The following ITGB4 variants were observed in gnomAD, a reference collection of about 807,000 sequenced individuals.
ITGB4 encodes integrin beta-4.
A neutral mutation model predicts 207.6 loss-of-function variants in ITGB4; 159 were observed. The observed-to-expected ratio is 0.77, with a 90% CI of 0.67 to 0.87. ITGB4 has a LOEUF of 0.87. ITGB4 is among the 40% of genes least tolerant of loss of function. ITGB4 has a pLI of 0.00. For synonymous variants in ITGB4, 1,020 were observed against 1,062.7 expected (o/e 0.96, Z 0.78); for missense variants, 2,278 against 2,546.8 (o/e 0.89, Z 2.27).
intron 2 of ITGB4, among the ~76,000 whole-genome samples, chr17:75,726,713 C>T (rs2060723556): frequency 6.6e-6 from 1 of 152,092 alleles, no homozygotes; most frequent in East Asian, 1.9e-4. Flanking sequence ...GCCTGGGCAA[C>T]AGAGCAAGAC....
intron 2 of ITGB4, among the ~76,000 whole-genome samples, chr17:75,725,909 G>A (rs528226915): frequency 2.0e-5 from 3 of 152,370 alleles, no homozygotes; most frequent in African/African-American, 7.2e-5. Context: ...CTGTGATGGA[G>A]GAGGTACCTG....
At chr17:75,736,474 G>T in intron 15 of ITGB4, 88 bp downstream of exon 15, 11 of 1,608,612 alleles carry the variant, frequency 6.8e-6, no homozygotes, top group Non-Finnish European at 9.3e-6. Flanking sequence ...GATGCCACAG[G>T]AGCTGGCCAA....
chr17:75,753,925 C>A lies in ITGB4; in HGVS notation c.4269C>A (p.Gly1423=), dbSNP rs1027065550. 3.9e-6 allele frequency: 5 copies of A among 1,284,742 alleles called. 1 individual carries two copies. Among genetic ancestry groups the A allele is most frequent in the African/African-American group, 1.6e-5 (1 of 64,348 alleles). The allele number at this position is 1,284,742 out of a possible 1,614,324, so 79.6% of individuals were successfully genotyped here. The change falls in exon 33 of 40, where the codon GGC becomes GGA. Residue 1423 remains glycine, a synonymous_variant. Coordinates refer to ENST00000200181, the MANE Select transcript of ITGB4 (RefSeq NM_000213.5). ...PHGPPDDGGA[G]GKGGSLPRSA... is the part of the protein sequence containing the mutation. ...GGCCCCCGGACGACGGCGGCGCGGGCGGGAAGGGCGGCAGCCTGCCCCGCA... is the reference window on the plus strand; with the variant it reads ...GGCCCCCGGACGACGGCGGCGCGGGAGGGAAGGGCGGCAGCCTGCCCCGCA...
chr17:75,756,956 A>G lies in ITGB4; in HGVS notation c.5067A>G (p.Ala1689=), dbSNP rs758381516. 1.9e-6 allele frequency: 3 copies of G among 1,612,654 alleles called. No homozygotes were observed. The highest frequency in any genetic ancestry group is 2.5e-6 in the Non-Finnish European group (3 of 1,179,928). ...EMAQGGGPAT[A]FRVDGDSPES... ...TTCCCTGCTCAGGGCCAGCCACCGC[A>G]TTCCGGGTGGATGGAGACAGCCCCG... The change falls in exon 38 of 40, where the codon GCA becomes GCG. Residue 1689 remains alanine (A), a synonymous_variant. Transcript: ENST00000200181.
In ITGB4 at chr17:75,752,570, T is replaced by A. The variant is rs886053414; in HGVS notation, c.4101T>A (p.Asp1367Glu). ...GCAGCCAGAGGCCCAGCGTCTCCGA[T>A]GACACTGGTGAGTGGAGACCTGGGA... The part of the protein sequence containing the change: ...PSGSQRPSVS[D>E]DTGCGWKFEP... The change falls in exon 32 of 40, where the codon GAT becomes GAA. Residue 1367 changes from aspartate to glutamate, a missense_variant. Asp to Glu is a conservative substitution (Grantham distance 45, BLOSUM62 2). Coordinates refer to ENST00000200181, the MANE Select transcript of ITGB4 (RefSeq NM_000213.5). 1 of 1,613,536 alleles carries A rather than the reference T, an allele frequency of 6.2e-7. No individual in the cohort carries two copies.
chr17:75,730,620 C>G, intron 8 of ITGB4, 116 bp downstream of exon 8: 1 of 1,139,218 alleles, frequency 8.8e-7, no homozygotes, highest in African/African-American at 1.6e-5. Context: ...CTTCCTCCCT[C>G]CCTCTTTTCC....
At position 75,750,973 on chromosome 17, in the gene ITGB4, G is replaced by C; in HGVS notation, c.3656-1G>C. 1 of 1,613,664 alleles carries C rather than the reference G, an allele frequency of 6.2e-7. No individual in the cohort carries two copies. Among genetic ancestry groups the C allele is most frequent in the Non-Finnish European group, 8.5e-7 (1 of 1,180,026 alleles). The stretch of plus-strand genomic sequence containing the variant: ...CTCTTCCTGTATTCCCCGCTCCCTA[G>C]TGCCCAGCGAGCCAGGGCGTCTGGC... On this transcript the variant is annotated splice_acceptor_variant, in intron 29 of 39. Coordinates refer to ENST00000200181, the MANE Select transcript of ITGB4 (RefSeq NM_000213.5). LOFTEE classifies it high-confidence loss of function. The surrounding 1 kb of genome is among the most constrained non-coding windows in gnomAD (Gnocchi z 5.5).
In ITGB4 at chr17:75,739,584, C is replaced by T. The variant is rs2061058359; in HGVS notation, c.2221-88C>T. 8.2e-6 allele frequency: 12 copies of T among 1,463,140 alleles called. No individual in the cohort carries two copies. Among genetic ancestry groups the T allele is most frequent in the Admixed American group, 3.3e-5 (2 of 59,714 alleles). The allele number at this position is 1,463,140 out of a possible 1,614,324, so 90.6% of individuals were successfully genotyped here. Reference sequence around the variant, plus strand: ...GGGGAGGCACTGTCACCCCTCTTGACCATTGGCATGGGGCGGGGTGGCTGG... The same window carrying T: ...GGGGAGGCACTGTCACCCCTCTTGATCATTGGCATGGGGCGGGGTGGCTGG... On this transcript the variant is annotated intron_variant, in intron 18 of 39. Transcript: ENST00000200181. The surrounding 1 kb of genome is among the most constrained non-coding windows in gnomAD (Gnocchi z 5.4).
chr17:75,728,986 CAA>C (rs933959785), intron 6 of ITGB4, among the ~76,000 whole-genome samples: 9 of 45,194 alleles, frequency 2.0e-4, no homozygotes, highest in Non-Finnish European at 1.8e-4. Context: ...TCTGTCTCAA[CAA>C]AAAAAAAAAA....
Position 75,731,762 on chromosome 17 carries a change from C to T in ITGB4, c.1216-50C>T. On this transcript the variant is annotated intron_variant, in intron 10 of 39. Transcript: ENST00000200181. This position sits in a 1 kb window ranked among gnomAD's most constrained non-coding sequence, Gnocchi z 6.8. ...GAGGGCCTTCAGGCATCGATGGCCC[C>T]CTGGTCCTTGGGGCTGGGCCTGCCT... 6.5e-7 allele frequency: 1 copy of T among 1,530,288 alleles called. No individual in the cohort carries two copies. Among genetic ancestry groups the T allele is most frequent in the Non-Finnish European group, 8.8e-7 (1 of 1,134,664 alleles). The allele number at this position is 1,530,288 out of a possible 1,614,324, so 94.8% of individuals were successfully genotyped here.
In ITGB4 at chr17:75,729,003, A is replaced by T. The variant is rs887232050; in HGVS notation, c.567-262A>T. Among the ~76,000 whole-genome samples, 5 of 150,954 alleles carry T rather than the reference A, an allele frequency of 3.3e-5. No individual in the cohort carries two copies. The highest frequency in any genetic ancestry group is 1.9e-4 in the East Asian group (1 of 5,168). On this transcript the variant is annotated intron_variant, in intron 6 of 39. Coordinates refer to ENST00000200181, the MANE Select transcript of ITGB4 (RefSeq NM_000213.5). This position sits in a 1 kb window ranked among gnomAD's most constrained non-coding sequence, Gnocchi z 4.4. The stretch of plus-strand genomic sequence containing the variant: ...TGTCTCAACAAAAAAAAAAAAAAAA[A>T]AAAAATTAGCCAGGTGTGGTGGTGG...
chr17:75,748,756 C>T (rs1415579097), intron 26 of ITGB4, 85 bp from the exon 27 acceptor site: 1 of 981,878 alleles, frequency 1.0e-6, no homozygotes, highest in Non-Finnish European at 1.6e-6. Flanking sequence ...TCTGCAGTGT[C>T]CATGAGGTTG....
In ITGB4 at chr17:75,729,128, C is replaced by G. The variant is rs2060793814; in HGVS notation, c.567-137C>G. On this transcript the variant is annotated intron_variant, in intron 6 of 39. Transcript: ENST00000200181. The surrounding 1 kb of genome is among the most constrained non-coding windows in gnomAD (Gnocchi z 4.4). ...AGCCAAGATCGTGCATACCGCACAC[C>G]AGCCTGGGTGATAAAGCGAGACTTG... is the stretch of plus-strand genomic sequence containing the variant. The G allele has an allele frequency of 2.6e-6, 2 of 772,638 alleles. No homozygotes were observed. Among genetic ancestry groups the G allele is most frequent in the Admixed American group, 5.6e-5 (2 of 35,598 alleles). The allele number at this position is 772,638 out of a possible 1,614,324, so 47.9% of individuals were successfully genotyped here. A position where few individuals can be genotyped will look rare whatever the true frequency, so the allele number is the denominator to read the frequency against.
At chr17:75,749,892 C>T (rs1369490918) in intron 27 of ITGB4, among the ~76,000 whole-genome samples, 2 of 152,222 alleles carry the variant, frequency 1.3e-5, no homozygotes, top group African/African-American at 4.8e-5. Context: ...CTCCCTCCCG[C>T]TTCTGTTCCT....
chr17:75,746,253 T>TC (rs955330998), intron 26 of ITGB4: 66 of 152,082 alleles, frequency 4.3e-4, no homozygotes, highest in African/African-American at 1.5e-3. Context: ...TTGTATTTTT[T>TC]TTTCTTTGAG....
In ITGB4 at chr17:75,741,025, G is replaced by A. The variant is rs2061097732; in HGVS notation, c.2633+20G>A. 1.2e-6 allele frequency: 2 copies of A among 1,611,108 alleles called. No homozygotes were observed. The highest frequency in any genetic ancestry group is 1.1e-5 in the South Asian group (1 of 91,002). On this transcript the variant is annotated intron_variant, in intron 23 of 39. Transcript: ENST00000200181. The stretch of plus-strand genomic sequence containing the variant: ...GAAAAAGTGAGTAGAAGACTCGTGG[G>A]TGAGAGGGCCCCCACTTCCTGCCCG...
chr17:75,736,414 C>CA, intron 15 of ITGB4, 28 bp downstream of exon 15: 1 of 1,611,284 alleles, frequency 6.2e-7, no homozygotes, highest in Admixed American at 1.7e-5. Context: ...GAGGTGTGGG[C>CA]GTGGGAACAG....
chr17:75,756,923 A>G lies in ITGB4; in HGVS notation c.5054-20A>G, dbSNP rs749382932. On this transcript the variant is annotated intron_variant, in intron 37 of 39. Coordinates refer to ENST00000200181, the MANE Select transcript of ITGB4 (RefSeq NM_000213.5). Reference sequence around the variant, plus strand: ...GGTAAAGAGGGGGCCGCAGACGCTGAAGGCATCTTCCCTGCTCAGGGCCAG... The same window carrying G: ...GGTAAAGAGGGGGCCGCAGACGCTGGAGGCATCTTCCCTGCTCAGGGCCAG... 6.2e-7 allele frequency: 1 copy of G among 1,612,286 alleles called. No homozygotes were observed. Among genetic ancestry groups the G allele is most frequent in the Non-Finnish European group, 8.5e-7 (1 of 1,179,842 alleles).
rs542864250 is a variant in ITGB4 at position 75,722,034 on chromosome 17, G to T, written c.-11+422G>T. 1.3e-5 allele frequency among the ~76,000 whole-genome samples: 2 copies of T among 152,336 alleles called. No homozygotes were observed. The highest frequency in any genetic ancestry group is 4.8e-5 in the African/African-American group (2 of 41,582). On this transcript the variant is annotated intron_variant, in intron 1 of 39. Transcript: ENST00000200181. The surrounding 1 kb of genome is among the most constrained non-coding windows in gnomAD (Gnocchi z 6.2). ...TGAAATTTCGTTCTTTCTAACATTG[G>T]CTCCTACTTTTAAAAGCCACCCTGA...
Sources: gnomAD v4.1 joint callset for allele counts (sites outside exome capture counted in the v4.1 genomes callset) on GRCh38, gnomAD v4.1.1 for gene constraint, Gnocchi (gnomAD v3.1) non-coding constraint, MANE v1.5 for transcripts, NCBI Gene and HGNC (gene_info 2026-07-23, HGNC 2026-07-21) for gene names.